Variants in UBE3C observed in about 807,000 individuals in gnomAD.
UBE3C encodes the protein ubiquitin-protein ligase E3C.
UBE3C carries 42 observed loss-of-function variants against 129.4 expected under a neutral mutation model. The observed-to-expected ratio is 0.32, with a 90% CI of 0.25 to 0.42. UBE3C has a LOEUF of 0.42. Ranked by LOEUF, UBE3C falls within the 10% of genes least tolerant of loss-of-function variation. The pLI is 1.00. For missense variants in UBE3C, 1,049 were observed against 1,319.1 expected, an observed-to-expected ratio of 0.80 and a Z score of 3.17; for synonymous variants, 510 against 492.4, an observed-to-expected ratio of 1.04 and a Z score of -0.47.
intron 10 of UBE3C, chr7:157,197,735 T>G: frequency 1.2e-6 from 2 of 1,611,016 alleles, no homozygotes; most frequent in Middle Eastern, 1.7e-4. Context: ...GACAAGACTG[T>G]ACAATAAAGT....
intron 14 of UBE3C, among the ~76,000 whole-genome samples, chr7:157,218,164 G>A (rs116275464): frequency 0.011 from 1,610 of 152,202 alleles, 21 homozygotes; most frequent in African/African-American, 0.035. Context: ...AAACCATGTC[G>A]GCTGGGCGCG....
chr7:157,144,619 T>A (rs535965949), intron 1 of UBE3C, among the ~76,000 whole-genome samples: 44 of 152,256 alleles, frequency 2.9e-4, no homozygotes, highest in South Asian at 8.3e-4. Flanking sequence ...TGAAATTTTT[T>A]AAGTTTTTGT....
rs1297792845 is a variant in UBE3C, at chr7:157,169,088, C to T, written c.161C>T (p.Ser54Leu). 5 of 1,613,566 alleles carry T rather than the reference C, an allele frequency of 3.1e-6. No individual in the cohort carries two copies. Among genetic ancestry groups the T allele is most frequent in the Non-Finnish European group, 4.2e-6 (5 of 1,179,892 alleles). ...RRLKNAIIIQ[S>L]FIRGYRDRKQ... ...TTGAAAAATGCAATAATTATCCAGT[C>T]ATTTATTCGAGGCTATAGAGACAGA... Residue 54 changes from serine to leucine, a missense_variant, in exon 3 of 23, where the codon TCA becomes TTA. This residue lies in a region of UBE3C where 489 missense variants were observed against 513.8 expected (regional missense o/e 0.95). Transcript: ENST00000348165.
At chr7:157,212,665 G>A (rs891216036) in intron 13 of UBE3C, among the ~76,000 whole-genome samples, 1 of 152,168 alleles carries the variant, frequency 6.6e-6, no homozygotes, top group African/African-American at 2.4e-5. Context: ...TTAATATTGG[G>A]GTTAAGGGAA....
chr7:157,145,637 A>G (rs1807584159), intron 1 of UBE3C, among the ~76,000 whole-genome samples: 1 of 152,196 alleles, frequency 6.6e-6, no homozygotes, highest in African/African-American at 2.4e-5. Flanking sequence ...AATGTCATAT[A>G]GTTGGAATCA....
chr7:157,186,873 T>A lies in UBE3C; in HGVS notation c.1183T>A (p.Cys395Ser), dbSNP rs745679416. 8.7e-6 allele frequency: 14 copies of A among 1,614,072 alleles called. No homozygotes were observed. In the East Asian group the frequency reaches 2.9e-4, roughly 33 times the overall value. Residue 395 changes from cysteine to serine, a missense_variant, in exon 10 of 23, where the codon TGC (cysteine) becomes AGC (serine). This residue lies in a region of UBE3C where 489 missense variants were observed against 513.8 expected (regional missense o/e 0.95). Coordinates refer to ENST00000348165, the MANE Select transcript of UBE3C (RefSeq NM_014671.3). ...RLSVSYITEE[C>S]LKKLDTKQQT... ...GTCAGTATCATACATAACAGAGGAATGCCTGAAGAAGCTGGACACAAAGCA... is the reference window on the plus strand; with the variant it reads ...GTCAGTATCATACATAACAGAGGAAAGCCTGAAGAAGCTGGACACAAAGCA...
chr7:157,192,030 C>T lies in UBE3C; in HGVS notation c.1331+5009C>T, dbSNP rs375000090. Among the ~76,000 whole-genome samples the T allele has an allele frequency of 1.8e-4, 27 of 152,190 alleles. 1 individual carries two copies. The highest frequency in any genetic ancestry group is 5.9e-4 in the Admixed American group (9 of 15,284). On this transcript the variant is annotated intron_variant, in intron 10 of 22. Coordinates refer to ENST00000348165, the MANE Select transcript of UBE3C (RefSeq NM_014671.3). ...TGATGAGCTTTTAAACATTTCAGCA[C>T]ATAGTGATCTTAAAATTAAATGTAT...
chr7:157,183,172 C>G (rs1808713789), intron 8 of UBE3C, among the ~76,000 whole-genome samples: 1 of 152,148 alleles, frequency 6.6e-6, no homozygotes, highest in African/African-American at 2.4e-5. Flanking sequence ...CAATTCAGTT[C>G]AATTCTGATG....
chr7:157,256,937 GTTA>G lies in UBE3C; in HGVS notation c.2978_2980del (p.Ile993del). 1 of 1,614,168 alleles carries G rather than the reference GTTA, an allele frequency of 6.2e-7. No individual in the cohort carries two copies. The highest frequency in any genetic ancestry group is 8.5e-7 in the Non-Finnish European group (1 of 1,180,016). On this transcript the variant is annotated inframe_deletion, in exon 22 of 23. Transcript: ENST00000348165. ...AGGAGGCTATTCTGCAGACCATCCT[GTTA>G]TTAAGGTCTTCTGGAGAGTTGTGGA...
chr7:157,163,114 G>A (rs373868761), intron 1 of UBE3C, among the ~76,000 whole-genome samples: 8 of 151,922 alleles, frequency 5.3e-5, no homozygotes, highest in South Asian at 4.1e-4. Flanking sequence ...GGCCGGGCGC[G>A]GTGGTTCACG....
chr7:157,187,833 C>T (rs2116942508), intron 10 of UBE3C, among the ~76,000 whole-genome samples: 1 of 152,214 alleles, frequency 6.6e-6, no homozygotes, highest in African/African-American at 2.4e-5. Context: ...GCCTCGGCCT[C>T]CCAAAGTGCT....
chr7:157,142,087 T>C (rs1322743247), intron 1 of UBE3C, among the ~76,000 whole-genome samples: 1 of 152,220 alleles, frequency 6.6e-6, no homozygotes, highest in Non-Finnish European at 1.5e-5. Context: ...TTAGTGAGGA[T>C]GTAGTTTCTT....
intron 4 of UBE3C, among the ~76,000 whole-genome samples, chr7:157,174,022 T>C (rs1282838143): frequency 6.6e-6 from 1 of 152,212 alleles, no homozygotes; most frequent in Admixed American, 6.5e-5. Context: ...CTTAAAAATA[T>C]AGGCAAAGAC....
rs112716943 is a variant in UBE3C, at chr7:157,186,747, A to C, written c.1144-87A>C. The C allele has an allele frequency of 1.8e-3, 2,720 of 1,490,836 alleles. 36 individuals are homozygous for C. In the African/African-American group the frequency reaches 0.034, roughly 19 times the overall value. 92.4% of individuals were successfully genotyped at this position (1,490,836 alleles called of 1,614,324 possible). On this transcript the variant is annotated intron_variant, in intron 9 of 22. Coordinates refer to ENST00000348165, the MANE Select transcript of UBE3C (RefSeq NM_014671.3). ...GATGCCTAGCTTTCTTTGCCCGAAG[A>C]AAAATGTGATTTCGTATATGTTTGT...
At position 157,268,412 on chromosome 7, in the gene UBE3C, G is replaced by A. The variant is rs1254399002; in HGVS notation, c.*657G>A. 6.5e-6 allele frequency: 1 copy of A among 152,680 alleles called. No homozygotes were observed. The highest frequency in any genetic ancestry group is 2.4e-5 in the African/African-American group (1 of 41,442). The allele number at this position is 152,680 out of a possible 1,614,324, so 9.5% of individuals were successfully genotyped here. A position where few individuals can be genotyped will look rare whatever the true frequency, so the allele number is the denominator to read the frequency against. ...TTGGAGATACTGTCTGTGGATGTGA[G>A]GTGGGGACTTCATTCATTGTCCTAT... On this transcript the variant is annotated 3_prime_UTR_variant, in exon 23 of 23. Transcript: ENST00000348165.
chr7:157,149,663 G>A (rs953319599), intron 1 of UBE3C, among the ~76,000 whole-genome samples: 1 of 152,132 alleles, frequency 6.6e-6, no homozygotes, highest in Admixed American at 6.5e-5. Context: ...GAGTTACAGT[G>A]TGAATTGCCA....
chr7:157,241,321 A>G (rs981702854), intron 18 of UBE3C, among the ~76,000 whole-genome samples: 5 of 152,240 alleles, frequency 3.3e-5, no homozygotes, highest in Non-Finnish European at 7.3e-5. Context: ...AGACACCATC[A>G]AGAAACTGAA....
chr7:157,197,989 G>A (rs1586681570), intron 10 of UBE3C: 1 of 1,608,648 alleles, frequency 6.2e-7, no homozygotes, highest in South Asian at 1.1e-5. Flanking sequence ...ATGTATTCTT[G>A]ATCCTGATGG....
intron 10 of UBE3C, chr7:157,198,060 TCTC>T: frequency 6.2e-7 from 1 of 1,609,766 alleles, no homozygotes; most frequent in Non-Finnish European, 8.5e-7. Flanking sequence ...CAGGGGGATC[TCTC>T]CTCTTTTAAC....
Sources: allele counts gnomAD v4.1 joint callset (sites outside exome capture counted in the v4.1 genomes callset), GRCh38; gene constraint gnomAD v4.1.1; regional missense constraint gnomAD v4.1.1; transcripts MANE v1.5; gene names NCBI Gene and HGNC (gene_info 2026-07-23, HGNC 2026-07-21).